TMEM108: variants seen among roughly 807,000 people sequenced by gnomAD.
TMEM108 encodes transmembrane protein 108.
TMEM108 carries 12 observed loss-of-function variants against 35.1 expected under a neutral mutation model. That is an observed-to-expected ratio of 0.34 (90% CI 0.22 to 0.55). TMEM108 has a LOEUF of 0.55. Among genes scored for constraint, TMEM108 ranks in the 20% least tolerant of loss-of-function variants. The pLI is 0.89. For missense variants in TMEM108, 680 were observed against 753.3 expected (o/e 0.90, Z 1.14); for synonymous variants, 287 against 308.6 (o/e 0.93, Z 0.73).
intron 3 of TMEM108, among the ~76,000 whole-genome samples, chr3:133,230,169 C>G (rs1193899435): frequency 6.6e-5 from 10 of 152,200 alleles, no homozygotes; most frequent in Non-Finnish European, 1.3e-4. Flanking sequence ...AAGTACCTAT[C>G]TTTCCTAGGC....
intron 3 of TMEM108, among the ~76,000 whole-genome samples, chr3:133,330,361 A>C (rs1360789068): frequency 4.6e-5 from 7 of 152,116 alleles, no homozygotes; most frequent in Non-Finnish European, 1.0e-4. Flanking sequence ...TGAAAAGGTT[A>C]AGCAGGAGGG....
chr3:133,372,972 C>G (rs2072720082), intron 3 of TMEM108, among the ~76,000 whole-genome samples: 1 of 152,316 alleles, frequency 6.6e-6, no homozygotes, highest in Non-Finnish European at 1.5e-5. Context: ...TAAGGGAAAC[C>G]ATGCTCCAAG....
chr3:133,058,932 C>T (rs1401767960), intron 2 of TMEM108, among the ~76,000 whole-genome samples: 3 of 152,168 alleles, frequency 2.0e-5, no homozygotes, highest in Non-Finnish European at 4.4e-5. Context: ...GCTCTTACAA[C>T]AAAGACTGGG....
chr3:133,229,912 T>C (rs1267732663), intron 3 of TMEM108, among the ~76,000 whole-genome samples: 1 of 152,240 alleles, frequency 6.6e-6, no homozygotes, highest in African/African-American at 2.4e-5. Context: ...ATTATGACTT[T>C]CTTTTTGCAC....
At chr3:133,040,911 G>A (rs151219793) in intron 1 of TMEM108, among the ~76,000 whole-genome samples, 120 of 152,312 alleles carry the variant, frequency 7.9e-4, no homozygotes, top group African/African-American at 2.7e-3. Context: ...ATTAGAGTCC[G>A]ACCTGCATGC....
intron 3 of TMEM108, among the ~76,000 whole-genome samples, chr3:133,317,463 A>C (rs959397862): frequency 6.6e-6 from 1 of 152,232 alleles, no homozygotes; most frequent in African/African-American, 2.4e-5. Context: ...GATTCTAAAA[A>C]TTGTGGGTAA....
chr3:133,301,916 C>T (rs895894656), intron 3 of TMEM108, among the ~76,000 whole-genome samples: 2 of 152,130 alleles, frequency 1.3e-5, no homozygotes, highest in Non-Finnish European at 2.9e-5. Context: ...CACAAACACA[C>T]CCACCCAACT....
Position 133,281,281 on chromosome 3 carries a change from G to T in TMEM108, c.40+51930G>T, listed in dbSNP as rs146724655. Among the ~76,000 whole-genome samples, 5 of 152,290 alleles carry T rather than the reference G, an allele frequency of 3.3e-5. No homozygotes were observed. In the East Asian group the frequency reaches 9.6e-4, roughly 29 times the overall value. Reference sequence around the variant, plus strand: ...TCAAAGCGGGAAAATGAGAGCCAGGGCCTGGTCATTCTGTTGGAGTTTCTA... The same window carrying T: ...TCAAAGCGGGAAAATGAGAGCCAGGTCCTGGTCATTCTGTTGGAGTTTCTA... On this transcript the variant is annotated intron_variant, in intron 3 of 5. Transcript: ENST00000321871.
At chr3:133,069,405 G>A (rs909764902) in intron 2 of TMEM108, among the ~76,000 whole-genome samples, 2 of 151,866 alleles carry the variant, frequency 1.3e-5, no homozygotes, top group Non-Finnish European at 1.5e-5. Context: ...ATAAAATAAG[G>A]GCACTTACTT....
chr3:133,074,111 G>A (rs1943711899), intron 2 of TMEM108, among the ~76,000 whole-genome samples: 2 of 152,086 alleles, frequency 1.3e-5, no homozygotes, highest in Non-Finnish European at 2.9e-5. Context: ...CTCCAAAGTT[G>A]AGGCAGGTTT....
chr3:133,069,585 TCTC>T (rs1272428192), intron 2 of TMEM108, among the ~76,000 whole-genome samples: 4 of 152,148 alleles, frequency 2.6e-5, no homozygotes, highest in African/African-American at 9.7e-5. Context: ...CCCAAGCTGT[TCTC>T]CTCTATATTT....
At chr3:133,155,441 A>T (rs1449244293) in intron 2 of TMEM108, among the ~76,000 whole-genome samples, 1 of 152,142 alleles carries the variant, frequency 6.6e-6, no homozygotes, top group Non-Finnish European at 1.5e-5. Context: ...TACCACATCC[A>T]CAGTGGCTGA....
At chr3:133,356,660 A>G (rs1386197743) in intron 3 of TMEM108, among the ~76,000 whole-genome samples, 2 of 152,212 alleles carry the variant, frequency 1.3e-5, no homozygotes, top group African/African-American at 2.4e-5. Context: ...GAACCCAGAA[A>G]TAAAACCAAA....
At chr3:133,053,324 G>T (rs1052232616) in intron 2 of TMEM108, among the ~76,000 whole-genome samples, 1 of 152,154 alleles carries the variant, frequency 6.6e-6, no homozygotes, top group Non-Finnish European at 1.5e-5. Flanking sequence ...ATCAATAAGA[G>T]AAATTTACAG....
At chr3:133,244,194 G>A (rs113085759) in intron 3 of TMEM108, among the ~76,000 whole-genome samples, 2,173 of 152,218 alleles carry the variant, frequency 0.014, 62 homozygotes, top group African/African-American at 0.05. Flanking sequence ...TGTTTGATTG[G>A]TTTAATATAT....
intron 2 of TMEM108, among the ~76,000 whole-genome samples, chr3:133,097,680 A>G (rs1324829926): frequency 1.3e-5 from 2 of 152,208 alleles, no homozygotes; most frequent in African/African-American, 4.8e-5. Context: ...ACTTTCATGT[A>G]GAATTCATTT....
chr3:133,333,206 C>T (rs1352835813), intron 3 of TMEM108, among the ~76,000 whole-genome samples: 2 of 152,268 alleles, frequency 1.3e-5, no homozygotes, highest in East Asian at 1.9e-4. Context: ...TAAAACAACA[C>T]ACCCTTGGAT....
intron 4 of TMEM108, 53 bp from the exon 5 acceptor site, chr3:133,390,127 A>C (rs1338829425): frequency 3.9e-5 from 62 of 1,606,272 alleles, no homozygotes; most frequent in Non-Finnish European, 2.0e-5. Flanking sequence ...GGTGCAACCC[A>C]GGCACCATCC....
At chr3:133,074,101 C>T (rs938464923) in intron 2 of TMEM108, among the ~76,000 whole-genome samples, 1 of 152,054 alleles carries the variant, frequency 6.6e-6, no homozygotes, top group African/African-American at 2.4e-5. Flanking sequence ...TTGTACCTGT[C>T]TCCAAAGTTG....
Sources: gnomAD v4.1 joint callset for allele counts (sites outside exome capture counted in the v4.1 genomes callset) on GRCh38, gnomAD v4.1.1 for gene constraint, MANE v1.5 for transcripts, NCBI Gene and HGNC (gene_info 2026-07-23, HGNC 2026-07-21) for gene names.